Variants in COL25A1 observed in about 807,000 individuals in gnomAD.
The protein encoded by COL25A1 is collagen type XXV alpha 1 chain.
In COL25A1, 103 loss-of-function variants were observed where a neutral mutation model predicts 128.4. That is an observed-to-expected ratio of 0.80 (90% CI 0.68 to 0.94). The LOEUF (loss-of-function observed/expected upper bound fraction) is 0.94, where lower values mean the gene tolerates loss of function less well. Ranked by LOEUF, COL25A1 falls within the 40% of genes least tolerant of loss-of-function variation. The pLI is 0.00. For missense variants in COL25A1, 745 were observed against 840.0 expected (o/e 0.89, Z 1.40); for synonymous variants, 279 against 277.2 (o/e 1.01, Z -0.06).
intron 3 of COL25A1, among the ~76,000 whole-genome samples, chr4:109,220,731 C>T (rs1778350901): frequency 6.6e-6 from 1 of 152,060 alleles, no homozygotes; most frequent in Non-Finnish European, 1.5e-5. Flanking sequence ...ATTCTGGAAA[C>T]TAAATTCAAA....
chr4:109,053,329 C>G (rs1761152409), intron 3 of COL25A1, among the ~76,000 whole-genome samples: 1 of 152,188 alleles, frequency 6.6e-6, no homozygotes, highest in African/African-American at 2.4e-5. Flanking sequence ...AAACCCAACT[C>G]CAGACAGACC....
At chr4:108,998,029 G>A (rs1263320764) in intron 6 of COL25A1, among the ~76,000 whole-genome samples, 1 of 152,110 alleles carries the variant, frequency 6.6e-6, no homozygotes, top group Non-Finnish European at 1.5e-5. Context: ...TACTGAATGG[G>A]CAAAAACTGG....
chr4:109,221,883 T>A (rs1363902470), intron 3 of COL25A1, among the ~76,000 whole-genome samples: 1 of 152,082 alleles, frequency 6.6e-6, no homozygotes, highest in Admixed American at 6.6e-5. Context: ...CCAATTTTCA[T>A]AAAGACACAA....
chr4:108,901,921 A>C (rs1742894909), intron 13 of COL25A1, among the ~76,000 whole-genome samples: 1 of 152,182 alleles, frequency 6.6e-6, no homozygotes, highest in Non-Finnish European at 1.5e-5. Flanking sequence ...AAACAAGGAA[A>C]AGATACTTTG....
At chr4:109,115,725 T>C (rs745631442) in intron 3 of COL25A1, among the ~76,000 whole-genome samples, 13 of 151,980 alleles carry the variant, frequency 8.6e-5, no homozygotes, top group Non-Finnish European at 1.5e-4. Flanking sequence ...GAGGCCAGTG[T>C]ACAGACAGAT....
intron 20 of COL25A1, 114 bp from the exon 21 acceptor site, chr4:108,863,501 A>G (rs1737516550): frequency 1.3e-6 from 1 of 741,542 alleles, no homozygotes; most frequent in Non-Finnish European, 2.2e-6. Flanking sequence ...TCATTGATTT[A>G]CCCTGTACCC....
chr4:109,149,168 G>A (rs900437833), intron 3 of COL25A1, among the ~76,000 whole-genome samples: 1 of 152,148 alleles, frequency 6.6e-6, no homozygotes, highest in Non-Finnish European at 1.5e-5. Flanking sequence ...TGTATTACAA[G>A]TAAGTACTCT....
intron 31 of COL25A1, chr4:108,832,682 T>A (rs577164587): frequency 2.8e-4 from 104 of 369,000 alleles, no homozygotes; most frequent in Non-Finnish European, 7.7e-5. Flanking sequence ...TATTTAATTA[T>A]ATCTTTTTCC....
Position 109,262,473 on chromosome 4 carries a change from C to T in COL25A1, c.367+38110G>A, listed in dbSNP as rs569031818. On this transcript the variant is annotated intron_variant, in intron 3 of 37. Transcript: ENST00000399132. ...AGGTTACAGTGAGCAGAGATCACAC[C>T]ACTGCACTCCAGCCTGGGCGACAGA... 2.0e-5 allele frequency among the ~76,000 whole-genome samples: 3 copies of T among 152,146 alleles called. No individual in the cohort carries two copies. The East Asian group carries it at 5.8e-4, about 30-fold the overall frequency.
At chr4:109,263,933 C>T (rs977191646) in intron 3 of COL25A1, among the ~76,000 whole-genome samples, 4 of 152,202 alleles carry the variant, frequency 2.6e-5, no homozygotes, top group African/African-American at 9.7e-5. Context: ...CCATGAGAAG[C>T]TCTTGGCATA....
At chr4:109,255,946 G>A (rs1459578743) in intron 3 of COL25A1, among the ~76,000 whole-genome samples, 1 of 152,100 alleles carries the variant, frequency 6.6e-6, no homozygotes, top group East Asian at 1.9e-4. Context: ...AGTCACAAAT[G>A]GCATTTAGAA....
chr4:108,870,526 A>C (rs1266861014), intron 19 of COL25A1, among the ~76,000 whole-genome samples: 1 of 151,940 alleles, frequency 6.6e-6, no homozygotes, highest in Non-Finnish European at 1.5e-5. Flanking sequence ...TCCCTAGTCT[A>C]CCTGTCCCAT....
rs571493536 is a variant in COL25A1, at chr4:109,224,280, A to G, written c.367+76303T>C. 2.0e-5 allele frequency among the ~76,000 whole-genome samples: 3 copies of G among 152,292 alleles called. No homozygotes were observed. In the South Asian group the frequency reaches 6.2e-4, roughly 32 times the overall value. On this transcript the variant is annotated intron_variant, in intron 3 of 37. Coordinates refer to ENST00000399132, the MANE Select transcript of COL25A1 (RefSeq NM_198721.4). Reference sequence around the variant, plus strand: ...GTTCTGAAAAACTCTGAAAGGAAATATCAAAAAAAGGTCATTGGAATTGCC... The same window carrying G: ...GTTCTGAAAAACTCTGAAAGGAAATGTCAAAAAAAGGTCATTGGAATTGCC...
chr4:109,113,754 A>G (rs1027861984), intron 3 of COL25A1, among the ~76,000 whole-genome samples: 1 of 152,046 alleles, frequency 6.6e-6, no homozygotes, highest in Non-Finnish European at 1.5e-5. Flanking sequence ...ATATTTTCGT[A>G]AGCATTTCCA....
chr4:109,102,846 C>A (rs1004198242), intron 3 of COL25A1, among the ~76,000 whole-genome samples: 1 of 152,124 alleles, frequency 6.6e-6, no homozygotes, highest in African/African-American at 2.4e-5. Flanking sequence ...CAGTTCCTGG[C>A]AGACAGCAAA....
At chr4:109,047,199 G>T (rs1301895394) in intron 5 of COL25A1, among the ~76,000 whole-genome samples, 1 of 152,182 alleles carries the variant, frequency 6.6e-6, no homozygotes, top group Non-Finnish European at 1.5e-5. Flanking sequence ...ACATTTGGCA[G>T]ACTGGCAAAT....
At chr4:109,270,604 C>G (rs1052678675) in intron 3 of COL25A1, among the ~76,000 whole-genome samples, 20 of 152,266 alleles carry the variant, frequency 1.3e-4, no homozygotes, top group African/African-American at 4.3e-4. Flanking sequence ...CACGACATCT[C>G]AAGGATTTTG....
At chr4:109,010,261 C>T (rs1210836770) in intron 6 of COL25A1, 97 bp downstream of exon 6, 45 of 990,008 alleles carry the variant, frequency 4.5e-5, no homozygotes, top group Non-Finnish European at 1.5e-6. Context: ...ATTATCAGTT[C>T]ATAGCTTTTT....
intron 8 of COL25A1, among the ~76,000 whole-genome samples, chr4:108,957,338 A>T (rs184039660): frequency 3.3e-5 from 5 of 152,254 alleles, no homozygotes; most frequent in African/African-American, 1.2e-4. Context: ...GGGAGAGCAC[A>T]GAGCAGAACC....
Sources: allele counts gnomAD v4.1 joint callset (sites outside exome capture counted in the v4.1 genomes callset), GRCh38; gene constraint gnomAD v4.1.1; transcripts MANE v1.5; gene names NCBI Gene and HGNC (gene_info 2026-07-23, HGNC 2026-07-21).